KCNMA1: variants seen among roughly 807,000 people sequenced by gnomAD.
The protein encoded by KCNMA1 is potassium calcium-activated channel subfamily M alpha 1, also known as Calcium-activated potassium channel subunit alpha-1.
Under a neutral mutation model 140.0 loss-of-function variants are expected in KCNMA1, and 29 were observed. The observed-to-expected ratio is 0.21, with a 90% CI of 0.15 to 0.28. The LOEUF (loss-of-function observed/expected upper bound fraction) is 0.28, where lower values mean the gene tolerates loss of function less well. KCNMA1 is among the 10% of genes least tolerant of loss of function. The pLI is 1.00. For missense variants in KCNMA1, 880 were observed against 1,602.2 expected (o/e 0.55, Z 7.70); for synonymous variants, 612 against 611.9 (o/e 1.00, Z 0.00).
intron 1 of KCNMA1, among the ~76,000 whole-genome samples, chr10:77,633,877 T>G (rs958629625): frequency 2.0e-5 from 3 of 152,206 alleles, no homozygotes; most frequent in African/African-American, 7.2e-5. Context: ...GACCACATGC[T>G]GGAAGACGAG....
chr10:77,418,105 G>C (rs1158746289), intron 1 of KCNMA1, among the ~76,000 whole-genome samples: 1 of 152,202 alleles, frequency 6.6e-6, no homozygotes, highest in Non-Finnish European at 1.5e-5. Context: ...CCAAACACAA[G>C]AGAGTCCAGA....
At chr10:77,456,694 C>T (rs2097767926) in intron 1 of KCNMA1, among the ~76,000 whole-genome samples, 1 of 152,182 alleles carries the variant, frequency 6.6e-6, no homozygotes, top group Non-Finnish European at 1.5e-5. Flanking sequence ...CCAGGATCCA[C>T]ATCCATGGTG....
chr10:77,360,828 G>A (rs957421266), intron 2 of KCNMA1, among the ~76,000 whole-genome samples: 5 of 152,184 alleles, frequency 3.3e-5, no homozygotes, highest in African/African-American at 1.2e-4. Flanking sequence ...AATCTCTGCA[G>A]GCCACAGGGA....
intron 20 of KCNMA1, among the ~76,000 whole-genome samples, chr10:76,968,572 G>T (rs1415607582): frequency 6.6e-6 from 1 of 152,152 alleles, no homozygotes; most frequent in Non-Finnish European, 1.5e-5. Context: ...ATTAGAATTA[G>T]ATAAGGTGAT....
intron 1 of KCNMA1, among the ~76,000 whole-genome samples, chr10:77,470,195 G>A (rs1274045970): frequency 2.6e-5 from 4 of 152,080 alleles, no homozygotes; most frequent in African/African-American, 9.7e-5. Context: ...GGAAACAGGT[G>A]GAATTCTCAG....
chr10:77,569,787 G>T (rs1286948533), intron 1 of KCNMA1, among the ~76,000 whole-genome samples: 1 of 152,180 alleles, frequency 6.6e-6, no homozygotes, highest in Non-Finnish European at 1.5e-5. Context: ...ATTACCATCA[G>T]AGTGAACAGG....
intron 2 of KCNMA1, among the ~76,000 whole-genome samples, chr10:77,371,372 A>G (rs1566346121): frequency 6.6e-6 from 1 of 152,016 alleles, no homozygotes; most frequent in East Asian, 1.9e-4. Flanking sequence ...GGAATCTTCA[A>G]CAGCTGCACC....
intron 2 of KCNMA1, among the ~76,000 whole-genome samples, chr10:77,399,127 A>G (rs546160542): frequency 1.3e-5 from 2 of 152,128 alleles, no homozygotes; most frequent in Non-Finnish European, 2.9e-5. Context: ...GAGAGACATG[A>G]TCCCTTTCTC....
chr10:77,292,017 G>A (rs1225569635), intron 2 of KCNMA1, among the ~76,000 whole-genome samples: 1 of 152,144 alleles, frequency 6.6e-6, no homozygotes, highest in Non-Finnish European at 1.5e-5. Flanking sequence ...ATTGAACTAA[G>A]GGATGAAAGT....
chr10:77,219,928 T>C (rs1041135243), intron 3 of KCNMA1, among the ~76,000 whole-genome samples: 1 of 152,242 alleles, frequency 6.6e-6, no homozygotes, highest in Admixed American at 6.5e-5. Flanking sequence ...TTCTAAGAAC[T>C]TAAGTGTATC....
At chr10:77,126,951 T>C (rs2097755425) in intron 5 of KCNMA1, among the ~76,000 whole-genome samples, 2 of 152,002 alleles carry the variant, frequency 1.3e-5, no homozygotes, top group African/African-American at 2.4e-5. Context: ...CATGTGGGCA[T>C]ACTGGAGGCA....
intron 2 of KCNMA1, among the ~76,000 whole-genome samples, chr10:77,297,987 T>A (rs1447263331): frequency 6.6e-6 from 1 of 152,176 alleles, no homozygotes; most frequent in Non-Finnish European, 1.5e-5. Flanking sequence ...TATCCATCCC[T>A]CAGGCATTTA....
intron 2 of KCNMA1, among the ~76,000 whole-genome samples, chr10:77,298,562 A>C (rs973576999): frequency 6.6e-6 from 1 of 151,912 alleles, no homozygotes; most frequent in Non-Finnish European, 1.5e-5. Flanking sequence ...TTTTAAATGG[A>C]TGTCTGGGCT....
chr10:77,390,501 C>A (rs1382834357), intron 2 of KCNMA1, among the ~76,000 whole-genome samples: 1 of 152,218 alleles, frequency 6.6e-6, no homozygotes, highest in Non-Finnish European at 1.5e-5. Context: ...AACCTCCTGG[C>A]AGCTTCCCTG....
chr10:77,533,644 A>G (rs1056524834), intron 1 of KCNMA1, among the ~76,000 whole-genome samples: 9 of 151,992 alleles, frequency 5.9e-5, no homozygotes, highest in Non-Finnish European at 1.0e-4. Flanking sequence ...AGAGTCACCA[A>G]ACTCTGACAG....
chr10:77,582,844 T>C (rs957055204), intron 1 of KCNMA1, among the ~76,000 whole-genome samples: 7 of 152,228 alleles, frequency 4.6e-5, no homozygotes, highest in Non-Finnish European at 7.3e-5. Context: ...TTAGTAGACA[T>C]GCAACTGCTT....
intron 24 of KCNMA1, chr10:76,914,695 C>T: frequency 2.2e-6 from 1 of 446,754 alleles, no homozygotes; most frequent in Non-Finnish European, 4.2e-6. Flanking sequence ...ATCTCATGCT[C>T]CTTTGAAAAC....
At chr10:77,511,110 C>A (rs1206539397) in intron 1 of KCNMA1, among the ~76,000 whole-genome samples, 2 of 152,200 alleles carry the variant, frequency 1.3e-5, no homozygotes, top group Non-Finnish European at 2.9e-5. Context: ...ATTCATAGAG[C>A]ATGAGAATCA....
chr10:77,270,365 C>G (rs2064684971), intron 2 of KCNMA1, among the ~76,000 whole-genome samples: 1 of 152,156 alleles, frequency 6.6e-6, no homozygotes, highest in Non-Finnish European at 1.5e-5. Flanking sequence ...GAACTGGGAA[C>G]TGGAGTGAGC....
Sources: gnomAD v4.1 joint callset for allele counts (sites outside exome capture counted in the v4.1 genomes callset) on GRCh38, gnomAD v4.1.1 for gene constraint, MANE v1.5 for transcripts, NCBI Gene and HGNC (gene_info 2026-07-23, HGNC 2026-07-21) for gene names.